PTN: variants seen among roughly 807,000 people sequenced by gnomAD.
PTN encodes heparin affin regulatory protein.
A neutral mutation model predicts 24.1 loss-of-function variants in PTN; 18 were observed. The ratio of observed to expected loss-of-function variants is 0.75; its 90% CI spans 0.52 to 1.11. PTN has a LOEUF of 1.11. Among genes scored for constraint, PTN ranks in the 50% least tolerant of loss-of-function variants. The pLI, the probability that PTN is intolerant of heterozygous loss-of-function variation, is 0.00. For synonymous variants in PTN, 78 were observed against 68.6 expected (o/e 1.14, Z -0.67); for missense variants, 163 against 198.8 (o/e 0.82, Z 1.08).
At chr7:137,340,953 C>T (rs1256881542) in intron 1 of PTN, among the ~76,000 whole-genome samples, 1 of 152,160 alleles carries the variant, frequency 6.6e-6, no homozygotes, top group Non-Finnish European at 1.5e-5. Context: ...CTTTAGAGAA[C>T]TGGAATTTGT....
At chr7:137,305,910 C>G (rs934600042) in intron 1 of PTN, among the ~76,000 whole-genome samples, 16 of 152,068 alleles carry the variant, frequency 1.1e-4, no homozygotes, top group Admixed American at 4.6e-4. Flanking sequence ...TCCATTGTCA[C>G]TATAATAAGA....
chr7:137,280,794 C>A (rs186862393), intron 1 of PTN, among the ~76,000 whole-genome samples: 1 of 141,550 alleles, frequency 7.1e-6, no homozygotes, highest in East Asian at 2.2e-4. Context: ...ATTGGTTAAA[C>A]CTGGGAGGCA....
At chr7:137,314,807 C>T (rs1308612429) in intron 1 of PTN, among the ~76,000 whole-genome samples, 2 of 151,946 alleles carry the variant, frequency 1.3e-5, no homozygotes, top group Non-Finnish European at 2.9e-5. Flanking sequence ...GTTGGCCAGG[C>T]TGGTCTCAGA....
intron 1 of PTN, among the ~76,000 whole-genome samples, chr7:137,328,605 T>C (rs999030317): frequency 2.0e-5 from 3 of 152,128 alleles, no homozygotes; most frequent in Non-Finnish European, 4.4e-5. Context: ...CCCCAAGGGA[T>C]AGAACACAGC....
intron 1 of PTN, among the ~76,000 whole-genome samples, chr7:137,295,413 A>G (rs1264840391): frequency 6.6e-6 from 1 of 152,090 alleles, no homozygotes; most frequent in South Asian, 2.1e-4. Flanking sequence ...TACGTTACCA[A>G]TTGCTGCCTG....
intron 1 of PTN, among the ~76,000 whole-genome samples, chr7:137,272,677 A>G (rs912717654): frequency 6.6e-6 from 1 of 152,192 alleles, no homozygotes. Context: ...TTGATTACCA[A>G]TGCTAGCAAT....
chr7:137,244,411 A>G (rs1226651367), intron 4 of PTN, among the ~76,000 whole-genome samples: 3 of 126,438 alleles, frequency 2.4e-5, no homozygotes, highest in Non-Finnish European at 3.2e-5. Flanking sequence ...TTTAAGTTCT[A>G]GGGTACATGT....
chr7:137,239,460 T>C (rs928178753), intron 4 of PTN, among the ~76,000 whole-genome samples: 2 of 151,948 alleles, frequency 1.3e-5, no homozygotes, highest in African/African-American at 4.8e-5. Flanking sequence ...GCAGGTTAGT[T>C]ACACATGTAT....
At chr7:137,296,054 T>C (rs1809713699) in intron 1 of PTN, among the ~76,000 whole-genome samples, 1 of 152,068 alleles carries the variant, frequency 6.6e-6, no homozygotes, top group Admixed American at 6.6e-5. Context: ...GAAAATCTCA[T>C]TCCTTTGGTC....
intron 1 of PTN, among the ~76,000 whole-genome samples, chr7:137,299,512 G>A (rs576901751): frequency 6.1e-4 from 92 of 151,930 alleles, no homozygotes; most frequent in African/African-American, 2.0e-3. Context: ...CCCATGGTAC[G>A]CCCCTCTGAG....
chr7:137,268,241 G>A (rs532649118), intron 1 of PTN, among the ~76,000 whole-genome samples: 2 of 152,040 alleles, frequency 1.3e-5, no homozygotes, highest in African/African-American at 4.8e-5. Flanking sequence ...GCGTCGCTCC[G>A]GCTGGTTGGA....
intron 1 of PTN, among the ~76,000 whole-genome samples, chr7:137,331,550 TC>T (rs896663274): frequency 2.6e-5 from 4 of 152,198 alleles, no homozygotes; most frequent in African/African-American, 9.6e-5. Flanking sequence ...AGTTGTTCAC[TC>T]GTCATTCCAA....
intron 1 of PTN, chr7:137,325,289 T>G (rs905127773): frequency 2.6e-5 from 4 of 152,214 alleles, no homozygotes; most frequent in Non-Finnish European, 4.4e-5. Flanking sequence ...AATATTTACT[T>G]CCTGAGCATT....
chr7:137,287,183 T>C (rs1323864565), intron 1 of PTN, among the ~76,000 whole-genome samples: 6 of 152,230 alleles, frequency 3.9e-5, no homozygotes, highest in African/African-American at 1.4e-4. Context: ...CCCCAGATGA[T>C]GTGATATGTG....
intron 1 of PTN, among the ~76,000 whole-genome samples, chr7:137,310,390 G>GTTTTTTTTTTTTTTTTT (rs36009703): frequency 2.2e-5 from 3 of 137,204 alleles, no homozygotes; most frequent in Non-Finnish European, 1.6e-5. Context: ...AAGTTACCAT[G>GTTTTTTTTTTTTTTTTT]TTTTTTTTTT....
intron 1 of PTN, among the ~76,000 whole-genome samples, chr7:137,312,950 T>C (rs939301898): frequency 6.6e-6 from 1 of 152,208 alleles, no homozygotes; most frequent in Non-Finnish European, 1.5e-5. Flanking sequence ...AATAATTTTA[T>C]ATGGTGATAT....
At chr7:137,252,776 T>C (rs922674957) in intron 3 of PTN, among the ~76,000 whole-genome samples, 3 of 151,820 alleles carry the variant, frequency 2.0e-5, no homozygotes, top group Non-Finnish European at 2.9e-5. Context: ...TATTTGAGGG[T>C]TCAATACTGG....
intron 1 of PTN, among the ~76,000 whole-genome samples, chr7:137,334,048 G>T (rs1039563891): frequency 2.0e-5 from 3 of 152,012 alleles, no homozygotes; most frequent in African/African-American, 7.3e-5. Flanking sequence ...AATTCAAGAC[G>T]GATTAAAGAC....
chr7:137,333,263 C>T (rs999542598), intron 1 of PTN, among the ~76,000 whole-genome samples: 1 of 152,176 alleles, frequency 6.6e-6, no homozygotes, highest in Non-Finnish European at 1.5e-5. Flanking sequence ...CACTAGATGC[C>T]CAATCTGGAA....
Sources: allele counts gnomAD v4.1 joint callset (sites outside exome capture counted in the v4.1 genomes callset), GRCh38; gene constraint gnomAD v4.1.1; transcripts MANE v1.5; gene names NCBI Gene and HGNC (gene_info 2026-07-23, HGNC 2026-07-21).